The following AMBRA1 variants were observed in gnomAD, a reference collection of about 807,000 sequenced individuals.
The protein encoded by AMBRA1 is activating molecule in BECN1-regulated autophagy protein 1.
AMBRA1 carries 47 observed loss-of-function variants against 125.4 expected under a neutral mutation model. The ratio of observed to expected loss-of-function variants is 0.37; its 90% CI spans 0.30 to 0.48. The LOEUF is 0.48. AMBRA1 is among the 20% of genes least tolerant of loss of function. AMBRA1 has a pLI of 0.99. For missense variants in AMBRA1, 1,331 were observed against 1,693.4 expected (o/e 0.79, Z 3.76); for synonymous variants, 626 against 655.5 (o/e 0.95, Z 0.69).
intron 15 of AMBRA1, among the ~76,000 whole-genome samples, chr11:46,410,873 CG>C (rs1488889988): frequency 6.6e-6 from 1 of 152,104 alleles, no homozygotes; most frequent in African/African-American, 2.4e-5. Context: ...GAGGCCGAGG[CG>C]GGCAGATCAC....
chr11:46,505,846 G>T (rs1951018488), intron 9 of AMBRA1, among the ~76,000 whole-genome samples: 1 of 152,074 alleles, frequency 6.6e-6, no homozygotes, highest in Non-Finnish European at 1.5e-5. Context: ...CCTTGTGAAG[G>T]ACAAGTCACG....
In AMBRA1 at chr11:46,550,686, T is replaced by C. The variant is rs777380244; in HGVS notation, c.-120-2186A>G. The stretch of plus-strand genomic sequence containing the variant: ...AAATTGGTGCAGAGTAGTTACTACT[T>C]CTGTCTTATTGCTTACAATAGCAAA... On this transcript the variant is annotated intron_variant, in intron 1 of 17. Coordinates refer to ENST00000683756, the MANE Select transcript of AMBRA1 (RefSeq NM_001387011.1). 3.4e-4 allele frequency among the ~76,000 whole-genome samples: 52 copies of C among 152,226 alleles called. No individual in the cohort carries two copies. The Middle Eastern group carries it at 0.014, about 40-fold the overall frequency.
chr11:46,401,677 C>T (rs899294338), intron 17 of AMBRA1, among the ~76,000 whole-genome samples: 16 of 152,212 alleles, frequency 1.1e-4, no homozygotes, highest in Non-Finnish European at 1.9e-4. Flanking sequence ...CAAGTCTGAG[C>T]CCACTGCTTG....
intron 7 of AMBRA1, among the ~76,000 whole-genome samples, chr11:46,516,035 G>A (rs1260331489): frequency 1.3e-5 from 2 of 152,072 alleles, no homozygotes; most frequent in African/African-American, 2.4e-5. Flanking sequence ...ACCTTAATTA[G>A]GAAGACTTCT....
chr11:46,502,839 T>G (rs12576359), intron 9 of AMBRA1, among the ~76,000 whole-genome samples: 28,548 of 151,842 alleles, frequency 0.19, 2,994 homozygotes, highest in African/African-American at 0.28. Flanking sequence ...AGTGGGCAGA[T>G]CACGAGGTCA....
intron 11 of AMBRA1, among the ~76,000 whole-genome samples, chr11:46,468,872 A>G (rs1458697473): frequency 1.3e-5 from 2 of 151,922 alleles, no homozygotes; most frequent in African/African-American, 4.8e-5. Flanking sequence ...GGCCAGACAC[A>G]GTGGCTCAAG....
intron 11 of AMBRA1, among the ~76,000 whole-genome samples, chr11:46,455,028 C>A (rs12280708): frequency 6.6e-6 from 1 of 151,490 alleles, no homozygotes; most frequent in Non-Finnish European, 1.5e-5. Flanking sequence ...CACAGGTGTA[C>A]GCCACCCCAC....
chr11:46,470,583 C>T (rs1354249221), intron 11 of AMBRA1, among the ~76,000 whole-genome samples: 3 of 119,256 alleles, frequency 2.5e-5, no homozygotes, highest in African/African-American at 7.8e-5. Context: ...AGTGAGACTC[C>T]GTCTCAAAAA....
chr11:46,513,155 C>T lies in AMBRA1; in HGVS notation c.2073-342G>A, dbSNP rs1951329839. On this transcript the variant is annotated intron_variant, in intron 7 of 17. Transcript: ENST00000683756. Reference sequence around the variant, plus strand: ...ACACAGGAGTGAAAAATTAGGCACACACAGAGATTATCACATAGTGCTAAC... The same window carrying T: ...ACACAGGAGTGAAAAATTAGGCACATACAGAGATTATCACATAGTGCTAAC... 3.3e-5 allele frequency among the ~76,000 whole-genome samples: 5 copies of T among 152,256 alleles called. No individual in the cohort carries two copies. In the South Asian group the frequency reaches 1.0e-3, roughly 32 times the overall value.
At chr11:46,467,215 C>T (rs756660575) in intron 11 of AMBRA1, among the ~76,000 whole-genome samples, 11 of 152,140 alleles carry the variant, frequency 7.2e-5, no homozygotes, top group Non-Finnish European at 1.5e-4. Context: ...CTGCACTAGG[C>T]CTATAACTGA....
At chr11:46,573,329 G>A (rs748676676) in intron 1 of AMBRA1, among the ~76,000 whole-genome samples, 13 of 151,966 alleles carry the variant, frequency 8.6e-5, no homozygotes, top group Admixed American at 2.6e-4. Context: ...GCTGGAACCC[G>A]GAGGGCAGAG....
At chr11:46,567,918 C>G (rs1356432326) in intron 1 of AMBRA1, among the ~76,000 whole-genome samples, 38 of 151,956 alleles carry the variant, frequency 2.5e-4, no homozygotes, top group Non-Finnish European at 1.2e-4. Flanking sequence ...GAGGCCGAGG[C>G]AGGCGGATCA....
At chr11:46,536,021 C>G (rs1952460181) in intron 7 of AMBRA1, among the ~76,000 whole-genome samples, 1 of 152,152 alleles carries the variant, frequency 6.6e-6, no homozygotes, top group African/African-American at 2.4e-5. Flanking sequence ...CTAAGTAATA[C>G]CGTTTCATTT....
intron 15 of AMBRA1, among the ~76,000 whole-genome samples, chr11:46,413,681 G>A (rs1428560054): frequency 2.6e-5 from 4 of 152,126 alleles, no homozygotes; most frequent in Admixed American, 6.5e-5. Context: ...AGTAGAGACA[G>A]TGTTTCGCCA....
intron 1 of AMBRA1, among the ~76,000 whole-genome samples, chr11:46,585,201 A>T (rs897090947): frequency 1.3e-5 from 2 of 152,060 alleles, no homozygotes; most frequent in Non-Finnish European, 2.9e-5. Flanking sequence ...GTATCCAGGG[A>T]CACAAACACT....
chr11:46,443,449 T>C (rs778165109), intron 12 of AMBRA1, 39 bp downstream of exon 12: 2 of 1,542,610 alleles, frequency 1.3e-6, no homozygotes, highest in Non-Finnish European at 1.8e-6. Flanking sequence ...CCAGCAAATA[T>C]AACCCTTCCA....
Position 46,459,733 on chromosome 11 carries a change from T to TACAC in AMBRA1, c.2522-16139_2522-16136dup, listed in dbSNP as rs1371062674. Among the ~76,000 whole-genome samples the TACAC allele has an allele frequency of 3.2e-3, 372 of 115,520 alleles. 3 individuals carry two copies. The highest frequency in any genetic ancestry group is 0.013 in the African/African-American group (328 of 25,128). 75.8% of individuals were successfully genotyped at this position (115,520 alleles called of 152,430 possible). On this transcript the variant is annotated intron_variant, in intron 11 of 17. Transcript: ENST00000683756. ...CTCCCTCCCAAAAAGAAAAAAAAAATACACATACACACACACACACACACA... is the reference window on the plus strand; with the variant it reads ...CTCCCTCCCAAAAAGAAAAAAAAAATACACACACATACACACACACACACACACA...
intron 1 of AMBRA1, among the ~76,000 whole-genome samples, chr11:46,551,010 T>G (rs2042977297): frequency 7.1e-6 from 1 of 141,336 alleles, no homozygotes; most frequent in African/African-American, 2.7e-5. Flanking sequence ...GGCAGGAGAA[T>G]GGCATGAACC....
intron 17 of AMBRA1, among the ~76,000 whole-genome samples, chr11:46,401,109 G>A (rs1945734064): frequency 6.6e-6 from 1 of 152,148 alleles, no homozygotes; most frequent in African/African-American, 2.4e-5. Context: ...GGCCCTCCCT[G>A]TGCTCACTGT....
Sources: allele counts gnomAD v4.1 joint callset (sites outside exome capture counted in the v4.1 genomes callset), GRCh38; gene constraint gnomAD v4.1.1; transcripts MANE v1.5; gene names NCBI Gene and HGNC (gene_info 2026-07-23, HGNC 2026-07-21).